LRP1B: variants seen among roughly 807,000 people sequenced by gnomAD.
The protein encoded by LRP1B is LDL receptor related protein 1B, also known as low-density lipoprotein receptor-related protein 1B.
LRP1B carries 217 observed loss-of-function variants against 556.6 expected under a neutral mutation model. The ratio of observed to expected loss-of-function variants is 0.39; its 90% CI spans 0.35 to 0.44. The LOEUF (loss-of-function observed/expected upper bound fraction) is 0.44. Among genes scored for constraint, LRP1B ranks in the 20% least tolerant of loss-of-function variants. The pLI is 1.00. For synonymous variants in LRP1B, 2,047 were observed against 1,865.8 expected (o/e 1.10, Z -2.50); for missense variants, 5,053 against 5,620.8 (o/e 0.90, Z 3.23).
chr2:140,813,870 A>G (rs1240883172), intron 31 of LRP1B, 64 bp from the exon 32 acceptor site: 2 of 1,216,652 alleles, frequency 1.6e-6, no homozygotes, highest in Non-Finnish European at 2.3e-6. Context: ...TCCACCTAGC[A>G]CCACTGGATT....
At chr2:142,076,011 A>G (rs1705485163) in intron 1 of LRP1B, among the ~76,000 whole-genome samples, 1 of 152,120 alleles carries the variant, frequency 6.6e-6, no homozygotes, top group Admixed American at 6.6e-5. Flanking sequence ...GTCTCAGAAA[A>G]GCATTCTTAA....
chr2:140,375,156 A>G (rs1683167579), intron 68 of LRP1B, among the ~76,000 whole-genome samples: 1 of 145,100 alleles, frequency 6.9e-6, no homozygotes, highest in Admixed American at 6.9e-5. Flanking sequence ...GAACTCATTG[A>G]TTTTTATACT....
chr2:140,326,840 T>TAATACACAGTAAA (rs1680513037), intron 79 of LRP1B, among the ~76,000 whole-genome samples: 1 of 152,134 alleles, frequency 6.6e-6, no homozygotes, highest in Non-Finnish European at 1.5e-5. Context: ...TGGACTGAAA[T>TAATACACAGTAAA]AATACACAGT....
At chr2:141,389,259 T>C (rs767630802) in intron 3 of LRP1B, among the ~76,000 whole-genome samples, 1 of 152,168 alleles carries the variant, frequency 6.6e-6, no homozygotes, top group Non-Finnish European at 1.5e-5. Flanking sequence ...CAATGTGTTA[T>C]AGGCATAATG....
At chr2:141,537,898 T>C (rs1335330218) in intron 2 of LRP1B, among the ~76,000 whole-genome samples, 1 of 152,156 alleles carries the variant, frequency 6.6e-6, no homozygotes, top group Non-Finnish European at 1.5e-5. Flanking sequence ...AACAATCCTC[T>C]TGTGGAATTC....
rs1398118073 is a variant in LRP1B, at chr2:140,903,259, G to C, written c.3521-94C>G. 2.1e-6 allele frequency: 3 copies of C among 1,395,858 alleles called. No homozygotes were observed. In the Admixed American group the frequency reaches 5.9e-5, roughly 28 times the overall value. 86.5% of individuals were successfully genotyped at this position (1,395,858 alleles called of 1,614,324 possible). A position where few individuals can be genotyped will look rare whatever the true frequency, so the allele number is the denominator to read the frequency against. On this transcript the variant is annotated intron_variant, in intron 22 of 90. Coordinates refer to ENST00000389484, the MANE Select transcript of LRP1B (RefSeq NM_018557.3). ...ACTCAATTCTCTAAGCCTACAATTA[G>C]CCAGGATACTACAAATGAATATAAG...
intron 18 of LRP1B, among the ~76,000 whole-genome samples, chr2:140,956,357 C>A (rs566412942): frequency 8.6e-5 from 13 of 151,774 alleles, no homozygotes; most frequent in African/African-American, 2.6e-4. Flanking sequence ...TATACTAATA[C>A]TTTTGAAAGA....
chr2:141,350,107 G>A (rs1314489097), intron 3 of LRP1B, among the ~76,000 whole-genome samples: 1 of 152,038 alleles, frequency 6.6e-6, no homozygotes, highest in Admixed American at 6.6e-5. Context: ...ACTGTCACAA[G>A]AGCAGCATAG....
At chr2:141,618,303 G>T (rs1688384191) in intron 2 of LRP1B, among the ~76,000 whole-genome samples, 1 of 152,028 alleles carries the variant, frequency 6.6e-6, no homozygotes, top group Non-Finnish European at 1.5e-5. Context: ...ATAGAAGTTG[G>T]ATATTCCTCT....
chr2:141,790,885 T>G (rs1248073202), intron 2 of LRP1B, among the ~76,000 whole-genome samples: 1 of 151,952 alleles, frequency 6.6e-6, no homozygotes, highest in Non-Finnish European at 1.5e-5. Flanking sequence ...AGAAATACAA[T>G]TCTAGAAGAT....
intron 53 of LRP1B, 76 bp from the exon 54 acceptor site, chr2:140,503,179 T>C (rs1574012427): frequency 2.3e-6 from 3 of 1,284,278 alleles, no homozygotes; most frequent in South Asian, 2.6e-5. Context: ...CAATGTACAC[T>C]ACACCGGATT....
intron 7 of LRP1B, among the ~76,000 whole-genome samples, chr2:141,086,359 T>C (rs562603832): frequency 3.9e-5 from 6 of 152,328 alleles, no homozygotes; most frequent in Non-Finnish European, 8.8e-5. Context: ...TCCTTGTGAT[T>C]TGCCTATTTC....
At chr2:140,729,029 C>A (rs536113743) in intron 35 of LRP1B, among the ~76,000 whole-genome samples, 3 of 151,932 alleles carry the variant, frequency 2.0e-5, no homozygotes, top group East Asian at 1.9e-4. Context: ...TCATTTCATA[C>A]ACCTTTGAAG....
Position 140,327,983 on chromosome 2 carries a change from T to TTGATTC in LRP1B, c.12224-2106_12224-2105insGAATCA, listed in dbSNP as rs1409488098. Among the ~76,000 whole-genome samples the TTGATTC allele has an allele frequency of 3.3e-5, 5 of 152,180 alleles. No individual in the cohort carries two copies. The East Asian group carries it at 7.7e-4, about 24-fold the overall frequency. On this transcript the variant is annotated intron_variant, in intron 79 of 90. Coordinates refer to ENST00000389484, the MANE Select transcript of LRP1B (RefSeq NM_018557.3). ...TTAAGCCCTTTAATAAAAGAGATAG[T>TTGATTC]CTTCTAAATTAAAAAGTTAATAAAG...
chr2:141,798,526 A>G (rs1173759007), intron 2 of LRP1B, among the ~76,000 whole-genome samples: 7 of 151,560 alleles, frequency 4.6e-5, no homozygotes, highest in African/African-American at 1.7e-4. Flanking sequence ...GGCCAACATG[A>G]TGAAACCCCG....
At chr2:141,086,962 G>C (rs1193783178) in intron 7 of LRP1B, among the ~76,000 whole-genome samples, 1 of 152,162 alleles carries the variant, frequency 6.6e-6, no homozygotes, top group African/African-American at 2.4e-5. Flanking sequence ...ACATATTGGT[G>C]GTTGTTGAAA....
At chr2:140,792,610 G>C (rs1183147271) in intron 32 of LRP1B, among the ~76,000 whole-genome samples, 1 of 151,964 alleles carries the variant, frequency 6.6e-6, no homozygotes, top group Non-Finnish European at 1.5e-5. Context: ...AATGAGAAAC[G>C]GTCTTAGAAG....
chr2:141,694,903 C>T (rs1320448299), intron 2 of LRP1B, among the ~76,000 whole-genome samples: 1 of 152,028 alleles, frequency 6.6e-6, no homozygotes, highest in African/African-American at 2.4e-5. Context: ...ACACACTCAT[C>T]ATCTTTGGTA....
chr2:141,226,499 C>A (rs1465669118), intron 6 of LRP1B, among the ~76,000 whole-genome samples: 3 of 152,010 alleles, frequency 2.0e-5, no homozygotes, highest in Admixed American at 6.6e-5. Flanking sequence ...CTTCTCATAG[C>A]AATCCTTTGA....
Sources: allele counts gnomAD v4.1 joint callset (sites outside exome capture counted in the v4.1 genomes callset), GRCh38; gene constraint gnomAD v4.1.1; transcripts MANE v1.5; gene names NCBI Gene and HGNC (gene_info 2026-07-23, HGNC 2026-07-21).